PAH: variants seen among roughly 807,000 people sequenced by gnomAD.
The protein encoded by PAH is phenylalanine-4-hydroxylase.
In PAH, 64 loss-of-function variants were observed where a neutral mutation model predicts 62.0. The ratio of observed to expected loss-of-function variants is 1.03; its 90% CI spans 0.84 to 1.27. PAH has a LOEUF of 1.27. Among genes scored for constraint, PAH ranks in the 50% most tolerant of loss-of-function variants. The pLI is 0.00. For missense variants in PAH, 579 were observed against 542.8 expected, an observed-to-expected ratio of 1.07 and a Z score of -0.66; for synonymous variants, 195 against 196.2, an observed-to-expected ratio of 0.99 and a Z score of 0.05.
chr12:102,854,923 TTTGA>T (rs1461819602), intron 6 of PAH: 2 of 626,768 alleles, frequency 3.2e-6, no homozygotes, highest in South Asian at 1.8e-5. Flanking sequence ...GCCTCAGGTG[TTTGA>T]TTGAATGAAA....
chr12:102,840,792 C>A (rs563060634), intron 11 of PAH, among the ~76,000 whole-genome samples: 4 of 152,124 alleles, frequency 2.6e-5, no homozygotes, highest in Non-Finnish European at 5.9e-5. Context: ...AATGAAACTA[C>A]TGAATACAAT....
chr12:102,841,535 G>T (rs1396840346), intron 11 of PAH, among the ~76,000 whole-genome samples: 3 of 152,120 alleles, frequency 2.0e-5, no homozygotes, highest in Non-Finnish European at 2.9e-5. Flanking sequence ...TAAAATTGGG[G>T]CATTAGTGGT....
chr12:102,942,917 A>C (rs1226285506), intron 1 of PAH, among the ~76,000 whole-genome samples: 1 of 152,144 alleles, frequency 6.6e-6, no homozygotes, highest in African/African-American at 2.4e-5. Context: ...AAGTCAACTC[A>C]AGATGATTAA....
intron 3 of PAH, among the ~76,000 whole-genome samples, chr12:102,885,444 C>T (rs952909419): frequency 2.0e-5 from 3 of 152,172 alleles, no homozygotes; most frequent in Admixed American, 6.5e-5. Context: ...CTCCGGCGGG[C>T]GGCTGGGCTC....
chr12:102,934,537 T>G (rs563677384), intron 1 of PAH, among the ~76,000 whole-genome samples: 1 of 152,080 alleles, frequency 6.6e-6, no homozygotes, highest in Non-Finnish European at 1.5e-5. Flanking sequence ...AACAATATTA[T>G]TTTTTCCAAT....
chr12:102,876,229 T>C (rs1366944804), intron 4 of PAH, among the ~76,000 whole-genome samples: 1 of 152,120 alleles, frequency 6.6e-6, no homozygotes, highest in Non-Finnish European at 1.5e-5. Flanking sequence ...CTATAATTGG[T>C]TTTACAATTT....
intron 3 of PAH, among the ~76,000 whole-genome samples, chr12:102,878,885 C>T (rs896075448): frequency 6.6e-6 from 1 of 151,998 alleles, no homozygotes; most frequent in African/African-American, 2.4e-5. Context: ...AACTGGGGCT[C>T]TAAAAGCTTA....
At chr12:102,931,723 C>T (rs956971026) in intron 1 of PAH, among the ~76,000 whole-genome samples, 1 of 152,174 alleles carries the variant, frequency 6.6e-6, no homozygotes, top group Non-Finnish European at 1.5e-5. Context: ...TCTGGTTTTG[C>T]ATTCAGCCTT....
At position 102,943,336 on chromosome 12, in the gene PAH, C is replaced by G. The variant is rs185612891; in HGVS notation, c.-96+7253G>C. Among the ~76,000 whole-genome samples the G allele has an allele frequency of 1.9e-3, 283 of 152,240 alleles. 1 individual carries two copies. Among genetic ancestry groups the G allele is most frequent in the Non-Finnish European group, 3.4e-3 (232 of 67,986 alleles). Reference sequence around the variant, plus strand: ...TGAAAAAATGCTCAACATCACTAATCATTAGAGAAATGCAAATCAAAACCA... The same window carrying G: ...TGAAAAAATGCTCAACATCACTAATGATTAGAGAAATGCAAATCAAAACCA... On this transcript the variant is annotated intron_variant, in intron 1 of 3. Coordinates refer to the PAH transcript ENST00000546844.
chr12:102,942,422 A>C (rs1169949490), intron 1 of PAH, among the ~76,000 whole-genome samples: 1 of 152,180 alleles, frequency 6.6e-6, no homozygotes, highest in East Asian at 1.9e-4. Flanking sequence ...ATCAGACACA[A>C]CACAAGCAAA....
At chr12:102,847,769 T>C (rs937053637) in intron 8 of PAH, among the ~76,000 whole-genome samples, 2 of 152,186 alleles carry the variant, frequency 1.3e-5, no homozygotes, top group African/African-American at 4.8e-5. Flanking sequence ...GTAAGCATCA[T>C]TGAGAAGGTC....
At position 102,926,986 on chromosome 12, in the gene PAH, T is replaced by G. The variant is rs1235572357; in HGVS notation, c.-95-9761A>C. On this transcript the variant is annotated intron_variant, in intron 1 of 3. Coordinates refer to the PAH transcript ENST00000546844. ...TTTGGGTGGGTGGGTTGCTAAACAT[T>G]TACCGCAACCCCACTGACTATTACT... is the stretch of plus-strand genomic sequence containing the variant. Among the ~76,000 whole-genome samples, 6 of 148,012 alleles carry G rather than the reference T, an allele frequency of 4.1e-5. No individual in the cohort carries two copies. The Admixed American group carries it at 4.1e-4, about 10-fold the overall frequency.
intron 1 of PAH, among the ~76,000 whole-genome samples, chr12:102,932,122 T>C (rs1261079005): frequency 1.3e-5 from 2 of 152,160 alleles, no homozygotes; most frequent in Non-Finnish European, 2.9e-5. Flanking sequence ...GTGTTACCTC[T>C]CTGCTTACAA....
chr12:102,885,480 G>T lies in PAH; in HGVS notation c.353-7930C>A, dbSNP rs1205252829. Among the ~76,000 whole-genome samples, 22 of 152,350 alleles carry T rather than the reference G, an allele frequency of 1.4e-4. No individual in the cohort carries two copies. The East Asian group carries it at 4.2e-3, about 29-fold the overall frequency. On this transcript the variant is annotated intron_variant, in intron 3 of 12. Transcript: ENST00000553106. Reference sequence around the variant, plus strand: ...CGCGGTTAATGAATGACTTGGGCAGGCTGGGGCAACAGAGGCCCTCTGTGG... The same window carrying T: ...CGCGGTTAATGAATGACTTGGGCAGTCTGGGGCAACAGAGGCCCTCTGTGG...
chr12:102,861,549 C>G (rs1875715607), intron 5 of PAH, among the ~76,000 whole-genome samples: 1 of 152,136 alleles, frequency 6.6e-6, no homozygotes, highest in African/African-American at 2.4e-5. Flanking sequence ...TATTGCAGCA[C>G]TATTCATAAT....
chr12:102,948,692 A>G (rs1353132187), intron 1 of PAH, among the ~76,000 whole-genome samples: 1 of 152,208 alleles, frequency 6.6e-6, no homozygotes, highest in African/African-American at 2.4e-5. Flanking sequence ...GTTCTTCATG[A>G]GTCTGAGTAA....
rs896178488 is a variant in PAH, at chr12:102,957,085, A to G, written c.-96+1110T>C. On this transcript the variant is annotated intron_variant, in intron 1 of 4. Transcript: ENST00000551337. This position sits in a 1 kb window ranked among gnomAD's most constrained non-coding sequence, Gnocchi z 4.1. ...CCCCCAACCATGTTTCTAAACTTCA[A>G]TCGTAATTTGCTCCAATTTCTAGGG... 2.6e-5 allele frequency among the ~76,000 whole-genome samples: 4 copies of G among 152,078 alleles called. No individual in the cohort carries two copies. Among genetic ancestry groups the G allele is most frequent in the Admixed American group, 2.0e-4 (3 of 15,274 alleles).
At chr12:102,865,247 A>T (rs936355244) in intron 5 of PAH, among the ~76,000 whole-genome samples, 1 of 152,154 alleles carries the variant, frequency 6.6e-6, no homozygotes, top group African/African-American at 2.4e-5. Context: ...TGTACTTTCT[A>T]AGCACCTCCT....
upstream of PAH, among the ~76,000 whole-genome samples, chr12:102,918,024 G>A (rs1186087843): frequency 6.6e-6 from 1 of 152,178 alleles, no homozygotes; most frequent in Non-Finnish European, 1.5e-5. Flanking sequence ...ATACAGCAAT[G>A]AACAAAACAG....
Sources: gnomAD v4.1 joint callset for allele counts (sites outside exome capture counted in the v4.1 genomes callset) on GRCh38, gnomAD v4.1.1 for gene constraint, Gnocchi (gnomAD v3.1) non-coding constraint, MANE v1.5 for transcripts, NCBI Gene and HGNC (gene_info 2026-07-23, HGNC 2026-07-21) for gene names.